The following POU2F1 variants were observed in gnomAD, a reference collection of about 807,000 sequenced individuals.
POU2F1 encodes POU class 2 homeobox 1, also known as POU domain, class 2, transcription factor 1.
Under a neutral mutation model 84.9 loss-of-function variants are expected in POU2F1, and 16 were observed. That is an observed-to-expected ratio of 0.19 (90% CI 0.13 to 0.29). POU2F1 has a LOEUF of 0.29. POU2F1 is among the 10% of genes least tolerant of loss of function. The pLI, the probability that POU2F1 is intolerant of heterozygous loss-of-function variation, is 1.00. For synonymous variants in POU2F1, 368 were observed against 368.3 expected, an observed-to-expected ratio of 1.00 and a Z score of 0.01; for missense variants, 738 against 942.6, an observed-to-expected ratio of 0.78 and a Z score of 2.84.
At chr1:167,223,013 C>T (rs886977801) in intron 1 of POU2F1, among the ~76,000 whole-genome samples, 2 of 152,028 alleles carry the variant, frequency 1.3e-5, no homozygotes, top group East Asian at 3.9e-4. Context: ...TTCCAATTAA[C>T]AACAGTTTCA....
intron 1 of POU2F1, among the ~76,000 whole-genome samples, chr1:167,242,000 T>TA (rs975215436): frequency 6.6e-6 from 1 of 152,160 alleles, no homozygotes; most frequent in Non-Finnish European, 1.5e-5. Context: ...CTTAAGTGCC[T>TA]AAAAAAATGC....
chr1:167,397,166 C>G (rs1648868256), intron 10 of POU2F1, among the ~76,000 whole-genome samples: 3 of 152,180 alleles, frequency 2.0e-5, no homozygotes, highest in Admixed American at 2.0e-4. Context: ...GAAACAAACT[C>G]AGATGTGTAT....
chr1:167,387,563 G>T (rs1346049270), intron 8 of POU2F1, among the ~76,000 whole-genome samples: 1 of 152,200 alleles, frequency 6.6e-6, no homozygotes, highest in Non-Finnish European at 1.5e-5. Context: ...GGGACAGTTA[G>T]TTCCTTTGGA....
chr1:167,337,011 C>A (rs1240336871), intron 2 of POU2F1, among the ~76,000 whole-genome samples: 1 of 151,876 alleles, frequency 6.6e-6, no homozygotes, highest in African/African-American at 2.4e-5. Flanking sequence ...ACTAAAAATA[C>A]AAAAAAATTA....
chr1:167,352,131 T>C (rs1021532226), intron 2 of POU2F1, among the ~76,000 whole-genome samples: 2 of 152,214 alleles, frequency 1.3e-5, no homozygotes, highest in Non-Finnish European at 2.9e-5. Flanking sequence ...AAAGCTGTTA[T>C]CACAACTTAA....
At chr1:167,347,409 A>G (rs1487901310) in intron 2 of POU2F1, among the ~76,000 whole-genome samples, 1 of 152,188 alleles carries the variant, frequency 6.6e-6, no homozygotes, top group African/African-American at 2.4e-5. Flanking sequence ...GGTGCATTTC[A>G]TAACAGATCA....
At chr1:167,237,639 G>A (rs6687445) in intron 1 of POU2F1, among the ~76,000 whole-genome samples, 3,046 of 150,938 alleles carry the variant, frequency 0.02, 106 homozygotes, top group African/African-American at 0.069. Flanking sequence ...ATTATTTGGG[G>A]GTATTCTTTA....
chr1:167,221,736 A>G (rs1202400008), intron 1 of POU2F1, among the ~76,000 whole-genome samples: 3 of 148,364 alleles, frequency 2.0e-5, no homozygotes, highest in African/African-American at 7.5e-5. Flanking sequence ...CCTGCTCTCT[A>G]GGTGGGTAGG....
chr1:167,399,091 C>G (rs1218403205), intron 11 of POU2F1, 95 bp from the exon 12 acceptor site: 1 of 1,266,998 alleles, frequency 7.9e-7, no homozygotes, highest in Non-Finnish European at 1.1e-6. Context: ...TCATATGTAT[C>G]CCAGCTTCAT....
chr1:167,257,616 T>C (rs1236012705), intron 1 of POU2F1, among the ~76,000 whole-genome samples: 2 of 152,164 alleles, frequency 1.3e-5, no homozygotes, highest in Non-Finnish European at 2.9e-5. Flanking sequence ...AAATGTAAAC[T>C]GTAAGTGATT....
intron 2 of POU2F1, among the ~76,000 whole-genome samples, chr1:167,341,741 G>A (rs986884140): frequency 6.6e-6 from 1 of 152,226 alleles, no homozygotes; most frequent in Non-Finnish European, 1.5e-5. Flanking sequence ...GACAGCTTAA[G>A]TGTTAGCTCA....
At chr1:167,352,520 G>C (rs1221319985) in intron 2 of POU2F1, among the ~76,000 whole-genome samples, 1 of 152,210 alleles carries the variant, frequency 6.6e-6, no homozygotes, top group East Asian at 1.9e-4. Flanking sequence ...AATTGGGAGA[G>C]AGTTGAGGCA....
At chr1:167,375,263 G>A (rs934271881) in intron 6 of POU2F1, among the ~76,000 whole-genome samples, 4 of 152,128 alleles carry the variant, frequency 2.6e-5, no homozygotes, top group African/African-American at 9.7e-5. Flanking sequence ...CTAATTAACT[G>A]TAAGAGTAGA....
Position 167,389,666 on chromosome 1 carries a change from G to A in POU2F1, c.892G>A (p.Asp298Asn). Reference protein sequence around the residue: ...PQSQSTPKRIDTPSLEEPSDL... With the variant: ...PQSQSTPKRINTPSLEEPSDL... ...GAGCCAGTCAACACCAAAGCGAATTGATACTCCCAGCTTGGAGGAGCCCAG... is the reference window on the plus strand; with the variant it reads ...GAGCCAGTCAACACCAAAGCGAATTAATACTCCCAGCTTGGAGGAGCCCAG... The change falls in exon 9 of 16, where the codon GAT becomes AAT. Residue 298 changes from aspartate to asparagine, a missense_variant. By Grantham distance (23) the Asp-to-Asn change is conservative. This residue lies in a region of POU2F1 where 163 missense variants were observed against 214.4 expected (regional missense o/e 0.76). Transcript: ENST00000367866. The A allele has an allele frequency of 6.2e-7, 1 of 1,614,182 alleles. No homozygotes were observed. Among genetic ancestry groups the A allele is most frequent in the Non-Finnish European group, 8.5e-7 (1 of 1,180,034 alleles).
Position 167,371,940 on chromosome 1 carries a change from G to T in POU2F1, c.306G>T (p.Gly102=), listed in dbSNP as rs1253210299. 6 of 1,613,998 alleles carry T rather than the reference G, an allele frequency of 3.7e-6. No homozygotes were observed. The highest frequency in any genetic ancestry group is 5.1e-6 in the Non-Finnish European group (6 of 1,180,010). The change falls in exon 5 of 16, where the codon GGG becomes GGT. Residue 102 remains glycine (G), a synonymous_variant. Coordinates refer to ENST00000367866, the MANE Select transcript of POU2F1 (RefSeq NM_002697.4). ...AGTCTAAATCTAATGAAGAATCGGG[G>T]GATTCGCAGCAGCCAAGCCAGCCTT... ...NVQSKSNEES[G]DSQQPSQPSQ...
rs749689976 is a variant in POU2F1 at position 167,415,785 on chromosome 1, C to T, written c.2276C>T (p.Thr759Ile). 6.2e-7 allele frequency: 1 copy of T among 1,614,032 alleles called. No individual in the cohort carries two copies. The highest frequency in any genetic ancestry group is 2.2e-5 in the East Asian group (1 of 44,878). The change falls in exon 16 of 16, where the codon ACC (threonine) becomes ATC (isoleucine). Residue 759 changes from threonine to isoleucine, a missense_variant. Thr to Ile is a moderately conservative substitution (Grantham distance 89). Transcript: ENST00000367866. ...VASASGAAST[T>I]TTASKAQ is the part of the protein sequence containing the mutation. ...TCTGCCAGCGGGGCTGCGTCCACCACCACCACCGCCTCCAAGGCACAGTGA... is the reference window on the plus strand; with the variant it reads ...TCTGCCAGCGGGGCTGCGTCCACCATCACCACCGCCTCCAAGGCACAGTGA...
intron 1 of POU2F1, among the ~76,000 whole-genome samples, chr1:167,293,727 C>CTA (rs1165912569): frequency 6.6e-6 from 1 of 152,136 alleles, no homozygotes. Flanking sequence ...GCTGTAGTTA[C>CTA]CAAAGCAACA....
In POU2F1 at chr1:167,337,166, AAG is replaced by A. The variant is rs1222710135; in HGVS notation, c.127+4633_127+4634del. On this transcript the variant is annotated intron_variant, in intron 2 of 15. Coordinates refer to ENST00000367866, the MANE Select transcript of POU2F1 (RefSeq NM_002697.4). ...CAACAAGAGCGAAACTCCATCTCAA[AAG>A]AAAAAAAAAAAAGCTAGGTGTAGTG... Among the ~76,000 whole-genome samples, 17 of 150,342 alleles carry A rather than the reference AAG, an allele frequency of 1.1e-4. 1 individual carries two copies. The highest frequency in any genetic ancestry group is 1.6e-4 in the Non-Finnish European group (11 of 67,404).
rs2102476358 is a variant in POU2F1 at position 167,273,793 on chromosome 1, TGTG to T, written c.61+52838_61+52840del. ...TAGTGTATGGACAAGAACTTGAACT[TGTG>T]GTCTTTCCCCTCTCATCAGCTTCAT... On this transcript the variant is annotated intron_variant, in intron 1 of 15. Coordinates refer to ENST00000367866, the MANE Select transcript of POU2F1 (RefSeq NM_002697.4). 1.3e-5 allele frequency among the ~76,000 whole-genome samples: 2 copies of T among 152,340 alleles called. 1 individual carries two copies. The highest frequency in any genetic ancestry group is 4.1e-4 in the South Asian group (2 of 4,830).
Sources: allele counts gnomAD v4.1 joint callset (sites outside exome capture counted in the v4.1 genomes callset), GRCh38; gene constraint gnomAD v4.1.1; regional missense constraint gnomAD v4.1.1; transcripts MANE v1.5; gene names NCBI Gene and HGNC (gene_info 2026-07-23, HGNC 2026-07-21).